Variants in ADAM12 observed in about 807,000 individuals in gnomAD.
ADAM12 encodes the protein ADAM metallopeptidase domain 12.
Under a neutral mutation model 106.4 loss-of-function variants are expected in ADAM12, and 70 were observed. That is an observed-to-expected ratio of 0.66 (90% CI 0.54 to 0.80). The LOEUF (loss-of-function observed/expected upper bound fraction) is 0.80. Among genes scored for constraint, ADAM12 ranks in the 30% least tolerant of loss-of-function variants. The pLI is 0.00. For missense variants in ADAM12, 1,010 were observed against 1,171.9 expected (o/e 0.86, Z 2.02); for synonymous variants, 420 against 433.5 (o/e 0.97, Z 0.39).
intron 3 of ADAM12, among the ~76,000 whole-genome samples, chr10:126,270,432 T>C (rs1456383319): frequency 2.0e-5 from 3 of 152,210 alleles, no homozygotes; most frequent in South Asian, 2.1e-4. Context: ...CAGAAATTTC[T>C]ATGATGATGG....
intron 2 of ADAM12, among the ~76,000 whole-genome samples, chr10:126,288,249 T>C (rs1328109656): frequency 6.6e-6 from 1 of 152,176 alleles, no homozygotes; most frequent in African/African-American, 2.4e-5. Context: ...TGGACTTCCA[T>C]ACTGTTCTTC....
chr10:126,239,609 T>G (rs4274143), intron 3 of ADAM12, among the ~76,000 whole-genome samples: 1 of 151,964 alleles, frequency 6.6e-6, no homozygotes, highest in African/African-American at 2.4e-5. Context: ...TAGGTCGTTA[T>G]TTCCTCCAAG....
At chr10:126,208,251 G>T (rs1272252772) in intron 3 of ADAM12, among the ~76,000 whole-genome samples, 1 of 152,216 alleles carries the variant, frequency 6.6e-6, no homozygotes, top group African/African-American at 2.4e-5. Context: ...GGCAATATCT[G>T]CAGATACTTT....
At chr10:126,111,245 C>T (rs1955861744) in intron 6 of ADAM12, among the ~76,000 whole-genome samples, 1 of 152,192 alleles carries the variant, frequency 6.6e-6, no homozygotes, top group Non-Finnish European at 1.5e-5. Context: ...CATATCTTTA[C>T]AATGTTACAA....
At chr10:126,144,616 C>CG (rs891332238) in intron 4 of ADAM12, among the ~76,000 whole-genome samples, 11 of 151,888 alleles carry the variant, frequency 7.2e-5, no homozygotes, top group Admixed American at 5.9e-4. Flanking sequence ...AAAATGCACA[C>CG]GGGGGGGTTA....
At chr10:126,047,587 TAC>T (rs1469455966) in intron 16 of ADAM12, among the ~76,000 whole-genome samples, 3 of 152,078 alleles carry the variant, frequency 2.0e-5, no homozygotes, top group Non-Finnish European at 4.4e-5. Flanking sequence ...CTGTTCAGGC[TAC>T]AGTTTAAAAA....
At chr10:126,222,018 C>G (rs776310000) in intron 3 of ADAM12, among the ~76,000 whole-genome samples, 3 of 152,184 alleles carry the variant, frequency 2.0e-5, no homozygotes, top group Non-Finnish European at 4.4e-5. Context: ...GTCCCCCTCT[C>G]CAGATGGCTG....
intron 3 of ADAM12, among the ~76,000 whole-genome samples, chr10:126,181,522 G>A (rs938207754): frequency 2.0e-5 from 3 of 152,120 alleles, no homozygotes; most frequent in Non-Finnish European, 4.4e-5. Context: ...TAGTATCTGT[G>A]TACATATCTG....
intron 4 of ADAM12, among the ~76,000 whole-genome samples, chr10:126,136,852 T>G (rs2133680723): frequency 6.6e-6 from 1 of 152,298 alleles, no homozygotes; most frequent in Middle Eastern, 3.4e-3. Context: ...CATATTAATT[T>G]TAGAAGTTCT....
At chr10:126,140,551 G>T (rs1355594669) in intron 4 of ADAM12, among the ~76,000 whole-genome samples, 1 of 152,148 alleles carries the variant, frequency 6.6e-6, no homozygotes, top group Non-Finnish European at 1.5e-5. Flanking sequence ...GTTAACAACT[G>T]ATTTCCAGCT....
chr10:126,312,602 G>C (rs1027294979), intron 2 of ADAM12, among the ~76,000 whole-genome samples: 1 of 152,116 alleles, frequency 6.6e-6, no homozygotes, highest in African/African-American at 2.4e-5. Flanking sequence ...CCTTTAAGGA[G>C]GAGGAGAACA....
At chr10:126,119,897 G>A (rs1168034411) in intron 5 of ADAM12, among the ~76,000 whole-genome samples, 1 of 152,162 alleles carries the variant, frequency 6.6e-6, no homozygotes, top group East Asian at 1.9e-4. Context: ...GCAGTGAAGT[G>A]CTTTAATTTA....
chr10:126,157,907 C>T (rs1391037990), intron 3 of ADAM12, among the ~76,000 whole-genome samples: 1 of 152,156 alleles, frequency 6.6e-6, no homozygotes, highest in African/African-American at 2.4e-5. Context: ...TGACAGGGCC[C>T]TGAAGAGAAG....
At chr10:126,022,798 C>T (rs180789608) in intron 21 of ADAM12, among the ~76,000 whole-genome samples, 1 of 152,298 alleles carries the variant, frequency 6.6e-6, no homozygotes, top group East Asian at 1.9e-4. Context: ...TGAATTCAAA[C>T]CTCATTTTTA....
rs756832552 is a variant in ADAM12, at chr10:126,200,855, G to A, written c.261-45550C>T. Among the ~76,000 whole-genome samples the A allele has an allele frequency of 2.7e-5, 4 of 145,856 alleles. No individual in the cohort carries two copies. The Middle Eastern group carries it at 0.01, about 377-fold the overall frequency. ...TTGTTAGGACTTAGATTTTGTGTAC[G>A]TGATGGGGGCAGGGTGGTGGTGGTG... is the stretch of plus-strand genomic sequence containing the variant. On this transcript the variant is annotated intron_variant, in intron 3 of 22. Coordinates refer to ENST00000448723, the MANE Select transcript of ADAM12 (RefSeq NM_001288973.2).
chr10:126,300,704 C>CA lies in ADAM12; in HGVS notation c.187-21717dup, dbSNP rs113973156. On this transcript the variant is annotated intron_variant, in intron 2 of 22. Coordinates refer to ENST00000448723, the MANE Select transcript of ADAM12 (RefSeq NM_001288973.2). The stretch of plus-strand genomic sequence containing the variant: ...TTCTTTTTTTAATTAATAGGAAACA[C>CA]AAAAACCTGACCCTACTGGAGAATA... 8.5e-3 allele frequency among the ~76,000 whole-genome samples: 1,292 copies of CA among 152,116 alleles called. 16 individuals carry two copies. The highest frequency in any genetic ancestry group is 0.029 in the African/African-American group (1,219 of 41,492).
At chr10:126,305,079 A>G (rs1465623878) in intron 2 of ADAM12, among the ~76,000 whole-genome samples, 1 of 152,090 alleles carries the variant, frequency 6.6e-6, no homozygotes, top group Admixed American at 6.5e-5. Flanking sequence ...TTTCTTAGAA[A>G]GCTAAACACT....
At chr10:126,156,721 C>T (rs181975892) in intron 3 of ADAM12, among the ~76,000 whole-genome samples, 119 of 152,302 alleles carry the variant, frequency 7.8e-4, no homozygotes, top group African/African-American at 2.6e-3. Context: ...CGTAGGGATC[C>T]GACAACTACT....
chr10:126,112,682 C>T (rs1034633268), intron 6 of ADAM12, among the ~76,000 whole-genome samples: 2 of 152,198 alleles, frequency 1.3e-5, no homozygotes, highest in African/African-American at 2.4e-5. Flanking sequence ...AATAAATCCT[C>T]ATTGCAATTC....
Sources: allele counts gnomAD v4.1 joint callset (sites outside exome capture counted in the v4.1 genomes callset), GRCh38; gene constraint gnomAD v4.1.1; transcripts MANE v1.5; gene names NCBI Gene and HGNC (gene_info 2026-07-23, HGNC 2026-07-21).